Variants in COL4A2 observed in about 807,000 individuals in gnomAD.
COL4A2 encodes the protein collagen type IV alpha 2 chain.
COL4A2 carries 99 observed loss-of-function variants against 200.2 expected under a neutral mutation model. The observed-to-expected ratio is 0.49, with a 90% CI of 0.42 to 0.58. COL4A2 has a LOEUF of 0.58. Among genes scored for constraint, COL4A2 ranks in the 20% least tolerant of loss-of-function variants. The probability of loss-of-function intolerance (pLI) is 0.00; values close to 1 mark genes in which losing one functional copy is unlikely to be tolerated. For synonymous variants in COL4A2, 897 were observed against 900.6 expected (o/e 1.00, Z 0.07); for missense variants, 1,950 against 2,314.1 (o/e 0.84, Z 3.23).
chr13:110,364,602 C>T (rs1265101743), intron 4 of COL4A2, among the ~76,000 whole-genome samples: 37 of 152,186 alleles, frequency 2.4e-4, no homozygotes, highest in Admixed American at 2.4e-3. Context: ...TGCTCTGAAG[C>T]TCCAAGTTTC....
intron 3 of COL4A2, among the ~76,000 whole-genome samples, chr13:110,337,916 G>C (rs910825952): frequency 6.6e-6 from 1 of 152,214 alleles, no homozygotes; most frequent in African/African-American, 2.4e-5. Context: ...AAATGAACAT[G>C]CATTGAAAGT....
intron 3 of COL4A2, among the ~76,000 whole-genome samples, chr13:110,319,479 A>G (rs923615201): frequency 6.6e-6 from 1 of 152,162 alleles, no homozygotes; most frequent in Non-Finnish European, 1.5e-5. Context: ...ATCTTAGGAG[A>G]GAGTTTCCTT....
At chr13:110,497,174 G>A (rs937543898) in intron 40 of COL4A2, among the ~76,000 whole-genome samples, 1 of 151,162 alleles carries the variant, frequency 6.6e-6, no homozygotes, top group Non-Finnish European at 1.5e-5. Flanking sequence ...CGCACCAGCA[G>A]AAGCTCCACC....
At chr13:110,377,210 T>G (rs982132028) in intron 4 of COL4A2, among the ~76,000 whole-genome samples, 3 of 152,166 alleles carry the variant, frequency 2.0e-5, no homozygotes, top group Non-Finnish European at 4.4e-5. Context: ...GAGTGCATTG[T>G]CAGATGTTTC....
chr13:110,350,975 G>A (rs1034579688), intron 3 of COL4A2, among the ~76,000 whole-genome samples: 10 of 152,066 alleles, frequency 6.6e-5, no homozygotes, highest in South Asian at 4.1e-4. Flanking sequence ...CAACTTCCAG[G>A]TAAATCTTCC....
intron 34 of COL4A2, among the ~76,000 whole-genome samples, chr13:110,486,303 G>A (rs1022209344): frequency 6.6e-6 from 1 of 152,174 alleles, no homozygotes; most frequent in African/African-American, 2.4e-5. Context: ...ACACGCTGTT[G>A]TGATGGTAAC....
intron 4 of COL4A2, among the ~76,000 whole-genome samples, chr13:110,424,445 C>G (rs558471648): frequency 2.7e-5 from 1 of 37,144 alleles, no homozygotes; most frequent in Non-Finnish European, 6.7e-5. Flanking sequence ...TTAAAAAGAA[C>G]CCAAATAAGT....
At chr13:110,362,953 T>C (rs1370518351) in intron 4 of COL4A2, among the ~76,000 whole-genome samples, 1 of 152,190 alleles carries the variant, frequency 6.6e-6, no homozygotes, top group Non-Finnish European at 1.5e-5. Flanking sequence ...GACCATAAAC[T>C]CTGATCAGAT....
In COL4A2 at chr13:110,397,938, A is replaced by G. The variant is rs191045099; in HGVS notation, c.181-26796A>G. Reference sequence around the variant, plus strand: ...GAAAAGATGGGCAAATCCTTGCTTTAAGAGCAGCTGTATCGTATGGAGAAG... The same window carrying G: ...GAAAAGATGGGCAAATCCTTGCTTTGAGAGCAGCTGTATCGTATGGAGAAG... On this transcript the variant is annotated intron_variant, in intron 4 of 47. Coordinates refer to ENST00000360467, the MANE Select transcript of COL4A2 (RefSeq NM_001846.4). 2.6e-5 allele frequency among the ~76,000 whole-genome samples: 4 copies of G among 152,350 alleles called. No homozygotes were observed. In the East Asian group the frequency reaches 5.8e-4, roughly 22 times the overall value.
intron 39 of COL4A2, among the ~76,000 whole-genome samples, chr13:110,494,192 A>T (rs1445602208): frequency 2.0e-5 from 3 of 152,226 alleles, no homozygotes; most frequent in Non-Finnish European, 4.4e-5. Context: ...AGCCAATGGC[A>T]GAATAAGGTT....
intron 34 of COL4A2, among the ~76,000 whole-genome samples, chr13:110,486,435 A>G (rs1883121209): frequency 6.6e-6 from 1 of 152,220 alleles, no homozygotes; most frequent in Admixed American, 6.5e-5. Context: ...TGTATAACAT[A>G]GCACAGCGTG....
chr13:110,320,392 G>C (rs1414613292), intron 3 of COL4A2, among the ~76,000 whole-genome samples: 1 of 152,214 alleles, frequency 6.6e-6, no homozygotes, highest in Non-Finnish European at 1.5e-5. Flanking sequence ...TTTGTTATCT[G>C]CTTCTCACCT....
chr13:110,363,551 T>C (rs1159306632), intron 4 of COL4A2, among the ~76,000 whole-genome samples: 2 of 152,130 alleles, frequency 1.3e-5, no homozygotes, highest in African/African-American at 2.4e-5. Flanking sequence ...GAAAATTCTT[T>C]GTCTTTGGCT....
At chr13:110,474,804 CATG>C (rs1471290855) in intron 29 of COL4A2, among the ~76,000 whole-genome samples, 2 of 148,960 alleles carry the variant, frequency 1.3e-5, no homozygotes, top group African/African-American at 2.5e-5. Flanking sequence ...TACACTCACA[CATG>C]ATCACACATG....
intron 20 of COL4A2, among the ~76,000 whole-genome samples, chr13:110,454,258 A>G (rs1437211619): frequency 2.0e-5 from 3 of 152,206 alleles, no homozygotes; most frequent in African/African-American, 7.2e-5. Context: ...GGACTTATTT[A>G]AAATGACTAA....
intron 4 of COL4A2, among the ~76,000 whole-genome samples, chr13:110,403,832 C>A (rs1879465179): frequency 6.6e-6 from 1 of 152,176 alleles, no homozygotes; most frequent in African/African-American, 2.4e-5. Context: ...AACAAAAATA[C>A]CTTAAGAGTA....
At chr13:110,501,935 T>C (rs1021545991) in intron 41 of COL4A2, 151 bp downstream of exon 41, 4 of 747,136 alleles carry the variant, frequency 5.4e-6, no homozygotes, top group Non-Finnish European at 9.0e-6. Flanking sequence ...TCCTCCTGTG[T>C]CATTTCCATC....
At chr13:110,319,800 G>A (rs1175749741) in intron 3 of COL4A2, among the ~76,000 whole-genome samples, 2 of 152,110 alleles carry the variant, frequency 1.3e-5, no homozygotes, top group Non-Finnish European at 2.9e-5. Context: ...AGCTGTTCCC[G>A]CCAGATTTCA....
Position 110,493,981 on chromosome 13 carries a change from C to T in COL4A2, c.3634+699C>T, listed in dbSNP as rs1883371706. 2.6e-5 allele frequency among the ~76,000 whole-genome samples: 4 copies of T among 152,192 alleles called. No homozygotes were observed. The South Asian group carries it at 8.3e-4, about 32-fold the overall frequency. On this transcript the variant is annotated intron_variant, in intron 39 of 47. Transcript: ENST00000360467. ...CAAAGGCCCCTGCTCCAAATGCCAT[C>T]ACACTGGAGTTAGGGCTTCCACTTA...
Sources: gnomAD v4.1 joint callset for allele counts (sites outside exome capture counted in the v4.1 genomes callset) on GRCh38, gnomAD v4.1.1 for gene constraint, MANE v1.5 for transcripts, NCBI Gene and HGNC (gene_info 2026-07-23, HGNC 2026-07-21) for gene names.